HMBOX1: variants seen among roughly 807,000 people sequenced by gnomAD.
HMBOX1 encodes homeobox containing 1.
HMBOX1 carries 14 observed loss-of-function variants against 54.5 expected under a neutral mutation model. The ratio of observed to expected loss-of-function variants is 0.26; its 90% CI spans 0.17 to 0.40. The LOEUF is 0.40. HMBOX1 is among the 10% of genes least tolerant of loss of function. The probability of loss-of-function intolerance (pLI) is 1.00; values close to 1 mark genes in which losing one functional copy is unlikely to be tolerated. For missense variants in HMBOX1, 332 were observed against 514.4 expected (o/e 0.65, Z 3.43); for synonymous variants, 160 against 181.0 (o/e 0.88, Z 0.93).
At chr8:28,910,822 C>CT (rs909131622) in intron 1 of HMBOX1, among the ~76,000 whole-genome samples, 2 of 152,090 alleles carry the variant, frequency 1.3e-5, no homozygotes, top group African/African-American at 4.8e-5. Context: ...CTTGTCTTTT[C>CT]TTTCTCTTAC....
chr8:29,041,454 T>A (rs1804807379), intron 6 of HMBOX1, among the ~76,000 whole-genome samples: 1 of 152,126 alleles, frequency 6.6e-6, no homozygotes, highest in African/African-American at 2.4e-5. Flanking sequence ...ACACTATCAT[T>A]AGTGGGGAGC....
intron 3 of HMBOX1, among the ~76,000 whole-genome samples, chr8:28,977,971 G>T (rs1054799871): frequency 1.1e-4 from 17 of 151,266 alleles, no homozygotes; most frequent in Admixed American, 6.6e-4. Flanking sequence ...AAGAAAGAAA[G>T]AAATATTTCA....
chr8:28,990,257 C>G (rs1830789787), intron 4 of HMBOX1, among the ~76,000 whole-genome samples: 1 of 152,028 alleles, frequency 6.6e-6, no homozygotes, highest in Admixed American at 6.5e-5. Flanking sequence ...TACCTTGTTC[C>G]CAGTCTTAGG....
intron 6 of HMBOX1, among the ~76,000 whole-genome samples, chr8:29,044,175 G>A (rs77400396): frequency 0.018 from 2,708 of 152,144 alleles, 38 homozygotes; most frequent in Middle Eastern, 0.048. Flanking sequence ...GGAAGGGCTG[G>A]GGCCTCCAGT....
At chr8:28,951,951 T>G (rs1823491368) in intron 1 of HMBOX1, among the ~76,000 whole-genome samples, 1 of 152,036 alleles carries the variant, frequency 6.6e-6, no homozygotes, top group Admixed American at 6.5e-5. Flanking sequence ...GAGGAACACT[T>G]AAGCCCGATC....
intron 1 of HMBOX1, among the ~76,000 whole-genome samples, chr8:28,906,716 G>T (rs1814400157): frequency 6.6e-6 from 1 of 152,054 alleles, no homozygotes; most frequent in South Asian, 2.1e-4. Context: ...CAGCCTCCCA[G>T]GTGGCTGGGA....
chr8:28,936,811 A>AC (rs1038605591), intron 1 of HMBOX1, among the ~76,000 whole-genome samples: 1 of 151,656 alleles, frequency 6.6e-6, no homozygotes, highest in East Asian at 1.9e-4. Flanking sequence ...AAAAAAAAAA[A>AC]AAAACAGCCC....
intron 1 of HMBOX1, among the ~76,000 whole-genome samples, chr8:28,914,200 A>G (rs1207056729): frequency 2.6e-5 from 4 of 152,166 alleles, no homozygotes; most frequent in Non-Finnish European, 4.4e-5. Flanking sequence ...GCCTCCTTGT[A>G]TTAAATAAAA....
At chr8:28,917,848 A>T (rs1400143376) in intron 1 of HMBOX1, among the ~76,000 whole-genome samples, 1 of 152,218 alleles carries the variant, frequency 6.6e-6, no homozygotes, top group Non-Finnish European at 1.5e-5. Context: ...TGAATACTGA[A>T]TAAACCTTGC....
intron 1 of HMBOX1, among the ~76,000 whole-genome samples, chr8:28,960,753 C>T (rs1474156920): frequency 4.6e-5 from 3 of 65,656 alleles, no homozygotes; most frequent in Admixed American, 1.9e-4. Flanking sequence ...TTCTCTTTTT[C>T]TTTTTCTTTT....
intron 1 of HMBOX1, among the ~76,000 whole-genome samples, chr8:28,936,301 C>A (rs1820394640): frequency 6.6e-6 from 1 of 152,010 alleles, no homozygotes; most frequent in South Asian, 2.1e-4. Context: ...CTGTTACACT[C>A]TGTAGTTTTA....
chr8:28,939,472 C>G (rs1207972697), intron 1 of HMBOX1, among the ~76,000 whole-genome samples: 1 of 151,964 alleles, frequency 6.6e-6, no homozygotes, highest in Non-Finnish European at 1.5e-5. Flanking sequence ...GGGCAGGAGT[C>G]ACTGAAACCT....
chr8:28,989,146 C>T (rs913294192), intron 4 of HMBOX1, among the ~76,000 whole-genome samples: 2 of 152,030 alleles, frequency 1.3e-5, no homozygotes, highest in African/African-American at 4.8e-5. Context: ...GTGGTGCTTG[C>T]CTGTAATCCC....
intron 6 of HMBOX1, among the ~76,000 whole-genome samples, chr8:29,022,161 A>G (rs1801287774): frequency 6.6e-6 from 1 of 152,176 alleles, no homozygotes; most frequent in East Asian, 1.9e-4. Context: ...ACACCTGTAA[A>G]TCCCAACCTT....
chr8:29,027,237 T>C (rs1802198994), intron 6 of HMBOX1, among the ~76,000 whole-genome samples: 1 of 152,192 alleles, frequency 6.6e-6, no homozygotes, highest in South Asian at 2.1e-4. Flanking sequence ...TGCTCAAACG[T>C]GATTCTGCAA....
rs796953426 is a variant in HMBOX1 at position 28,926,304 on chromosome 8, T to TATAC, written c.-58+35627_-58+35628insTACA. ...GCAGATATATATATATATATATATA[T>TATAC]ACACACACACACACACACATATATT... On this transcript the variant is annotated intron_variant, in intron 1 of 9. Transcript: ENST00000287701. Among the ~76,000 whole-genome samples the TATAC allele has an allele frequency of 4.3e-3, 615 of 142,180 alleles. 2 individuals are homozygous for TATAC. Among genetic ancestry groups the TATAC allele is most frequent in the East Asian group, 0.015 (76 of 4,950 alleles). 93.3% of individuals were successfully genotyped at this position (142,180 alleles called of 152,430 possible).
intron 1 of HMBOX1, among the ~76,000 whole-genome samples, chr8:28,933,281 T>G (rs559228175): frequency 1.2e-4 from 19 of 152,282 alleles, no homozygotes; most frequent in Admixed American, 3.9e-4. Flanking sequence ...TTGATCTACA[T>G]CAGGTCCCTA....
At chr8:29,045,133 A>C (rs1275737635) in intron 6 of HMBOX1, among the ~76,000 whole-genome samples, 2 of 152,242 alleles carry the variant, frequency 1.3e-5, no homozygotes, top group African/African-American at 4.8e-5. Flanking sequence ...TTCAAATTCC[A>C]TCCCTGACAT....
chr8:29,005,144 T>C (rs1173503033), intron 4 of HMBOX1, among the ~76,000 whole-genome samples: 1 of 152,198 alleles, frequency 6.6e-6, no homozygotes, highest in African/African-American at 2.4e-5. Context: ...TTTATTAAAG[T>C]AATAATTATG....
Sources: gnomAD v4.1 joint callset for allele counts (sites outside exome capture counted in the v4.1 genomes callset) on GRCh38, gnomAD v4.1.1 for gene constraint, MANE v1.5 for transcripts, NCBI Gene and HGNC (gene_info 2026-07-23, HGNC 2026-07-21) for gene names.